CUBN: variants seen among roughly 807,000 people sequenced by gnomAD.
The protein encoded by CUBN is 460 kDa receptor.
In CUBN, 282 loss-of-function variants were observed where a neutral mutation model predicts 405.3. The observed-to-expected ratio is 0.70, with a 90% confidence interval of 0.63 to 0.77. The LOEUF (loss-of-function observed/expected upper bound fraction) is 0.77, where lower values mean the gene tolerates loss of function less well. CUBN is among the 30% of genes least tolerant of loss of function. CUBN has a pLI of 0.00. For synonymous variants in CUBN, 1,684 were observed against 1,617.0 expected, an observed-to-expected ratio of 1.04 and a Z score of -0.99; for missense variants, 4,514 against 4,475.2, an observed-to-expected ratio of 1.01 and a Z score of -0.25.
rs986805404 is a variant in CUBN, at chr10:16,824,769, C to T, written c.*206G>A. 1.3e-5 allele frequency: 7 copies of T among 529,438 alleles called. No homozygotes were observed. The highest frequency in any genetic ancestry group is 2.5e-5 in the Non-Finnish European group (7 of 280,856). 32.8% of individuals were successfully genotyped at this position (529,438 alleles called of 1,614,324 possible). A position where few individuals can be genotyped will look rare whatever the true frequency, so the allele number is the denominator to read the frequency against. ...TCCTGACCTCAGGTGATCAACCTGC[C>T]TCGGCCTCCCAAAGTGCTGAGAATA... On this transcript the variant is annotated 3_prime_UTR_variant, in exon 67 of 67. Coordinates refer to ENST00000377833, the MANE Select transcript of CUBN (RefSeq NM_001081.4).
chr10:17,017,732 T>C (rs1424962607), intron 28 of CUBN, among the ~76,000 whole-genome samples: 1 of 152,128 alleles, frequency 6.6e-6, no homozygotes, highest in Non-Finnish European at 1.5e-5. Context: ...CCCAGGTGCC[T>C]AAAGAAGGTA....
intron 56 of CUBN, among the ~76,000 whole-genome samples, chr10:16,887,683 A>C (rs976711288): frequency 6.6e-6 from 1 of 152,206 alleles, no homozygotes; most frequent in Admixed American, 6.5e-5. Flanking sequence ...CAAAACATTA[A>C]AAATAGAACT....
intron 20 of CUBN, 132 bp downstream of exon 20, chr10:17,068,473 T>C (rs1046588228): frequency 4.2e-6 from 4 of 959,766 alleles, no homozygotes; most frequent in Non-Finnish European, 6.3e-6. Flanking sequence ...TTAGAAAATA[T>C]ACATTCTTTG....
intron 54 of CUBN, among the ~76,000 whole-genome samples, chr10:16,892,792 G>A (rs1841073337): frequency 1.3e-5 from 2 of 152,020 alleles, no homozygotes; most frequent in South Asian, 4.1e-4. Flanking sequence ...CCATGCCTGG[G>A]CCATATACTA....
rs545418361 is a variant in CUBN at position 16,851,733 on chromosome 10, CCTCT to C, written c.9455-294_9455-291del. ...CCTTCCCTCCATCTTTCCCTCCCTC[CCTCT>C]ATCTTTCCCTCCCTCACTCTGTCTT... On this transcript the variant is annotated intron_variant, in intron 59 of 66. Coordinates refer to ENST00000377833, the MANE Select transcript of CUBN (RefSeq NM_001081.4). Among the ~76,000 whole-genome samples the C allele has an allele frequency of 0.015, 2,051 of 137,608 alleles. 22 individuals carry two copies. The highest frequency in any genetic ancestry group is 0.033 in the African/African-American group (1,158 of 35,088). 90.3% of individuals were successfully genotyped at this position (137,608 alleles called of 152,430 possible). A position where few individuals can be genotyped will look rare whatever the true frequency, so the allele number is the denominator to read the frequency against.
chr10:17,100,340 G>T, intron 13 of CUBN, 101 bp from the exon 14 acceptor site: 1 of 757,762 alleles, frequency 1.3e-6, no homozygotes, highest in Non-Finnish European at 2.3e-6. Context: ...GCACTTTCAA[G>T]AGCTAGACCT....
chr10:16,999,195 T>G (rs1456735881), intron 28 of CUBN, among the ~76,000 whole-genome samples: 3 of 152,214 alleles, frequency 2.0e-5, no homozygotes, highest in Admixed American at 6.5e-5. Flanking sequence ...GTTAAGACTG[T>G]CATAGCCATC....
chr10:16,950,746 G>A (rs985128973), intron 33 of CUBN, among the ~76,000 whole-genome samples: 2 of 152,140 alleles, frequency 1.3e-5, no homozygotes, highest in African/African-American at 4.8e-5. Context: ...AGGACTCCTG[G>A]GTAGGTTCAT....
chr10:17,084,598 T>C, intron 16 of CUBN, 137 bp from the exon 17 acceptor site: 2 of 763,320 alleles, frequency 2.6e-6, no homozygotes, highest in East Asian at 2.7e-5. Context: ...CTCTATAGGC[T>C]TGTGCCTCTA....
chr10:16,918,586 C>G, intron 45 of CUBN, 36 bp downstream of exon 45: 1 of 1,532,650 alleles, frequency 6.5e-7, no homozygotes, highest in Non-Finnish European at 9.0e-7. Flanking sequence ...ACATGTACCC[C>G]TGAACCTAAA....
chr10:16,911,781 G>A (rs985182530), intron 48 of CUBN, among the ~76,000 whole-genome samples: 19 of 152,120 alleles, frequency 1.2e-4, no homozygotes, highest in Non-Finnish European at 1.6e-4. Context: ...AGTAATACAT[G>A]AGTAGAATTA....
chr10:17,119,417 T>C (rs1295720744), intron 6 of CUBN, among the ~76,000 whole-genome samples: 1 of 152,152 alleles, frequency 6.6e-6, no homozygotes, highest in African/African-American at 2.4e-5. Flanking sequence ...CCCAGCACTT[T>C]GGGTGGCTGA....
chr10:17,032,490 C>T (rs971775954), intron 27 of CUBN, among the ~76,000 whole-genome samples: 15 of 152,264 alleles, frequency 9.9e-5, no homozygotes, highest in African/African-American at 3.4e-4. Flanking sequence ...TTCCCCATCT[C>T]AATCCCTGTT....
At chr10:17,043,054 A>G (rs901854603) in intron 26 of CUBN, among the ~76,000 whole-genome samples, 1 of 152,132 alleles carries the variant, frequency 6.6e-6, no homozygotes, top group African/African-American at 2.4e-5. Flanking sequence ...TTGAATGTCC[A>G]TTTTGGAACT....
intron 28 of CUBN, among the ~76,000 whole-genome samples, chr10:17,003,226 G>A (rs955461582): frequency 3.3e-5 from 5 of 152,098 alleles, no homozygotes; most frequent in Non-Finnish European, 5.9e-5. Flanking sequence ...CTTTGGAGGC[G>A]GATGGATGGG....
chr10:16,893,828 G>A (rs1256815634), intron 54 of CUBN, among the ~76,000 whole-genome samples: 2 of 152,110 alleles, frequency 1.3e-5, no homozygotes, highest in African/African-American at 4.8e-5. Context: ...ATATAGATTC[G>A]TAAACAAGTT....
intron 31 of CUBN, among the ~76,000 whole-genome samples, chr10:16,975,603 C>G (rs1833067202): frequency 6.7e-6 from 1 of 148,358 alleles, no homozygotes; most frequent in Non-Finnish European, 1.5e-5. Context: ...CTGGCCCATT[C>G]AAACTTCTCT....
chr10:17,067,662 T>C (rs542646215), intron 21 of CUBN, among the ~76,000 whole-genome samples: 9 of 152,246 alleles, frequency 5.9e-5, no homozygotes, highest in South Asian at 2.1e-4. Flanking sequence ...ACAAAAATTA[T>C]GCTAATTGAG....
intron 29 of CUBN, among the ~76,000 whole-genome samples, chr10:16,985,889 T>C (rs1248800688): frequency 2.0e-5 from 3 of 152,234 alleles, no homozygotes; most frequent in Non-Finnish European, 4.4e-5. Flanking sequence ...CCCAGTGACA[T>C]AGTCCTCTGG....
Sources: allele counts gnomAD v4.1 joint callset (sites outside exome capture counted in the v4.1 genomes callset), GRCh38; gene constraint gnomAD v4.1.1; transcripts MANE v1.5; gene names NCBI Gene and HGNC (gene_info 2026-07-23, HGNC 2026-07-21).